SEC22C: variants seen among roughly 807,000 people sequenced by gnomAD.
The protein encoded by SEC22C is vesicle-trafficking protein SEC22c.
Under a neutral mutation model 34.7 loss-of-function variants are expected in SEC22C, and 29 were observed. The observed-to-expected ratio is 0.84, with a 90% CI of 0.62 to 1.14. The LOEUF is 1.14. SEC22C is among the 50% of genes most tolerant of loss of function. The pLI, the probability that SEC22C is intolerant of heterozygous loss-of-function variation, is 0.00. For missense variants in SEC22C, 337 were observed against 369.0 expected (o/e 0.91, Z 0.71); for synonymous variants, 117 against 132.8 (o/e 0.88, Z 0.82).
intron 2 of SEC22C, among the ~76,000 whole-genome samples, chr3:42,568,286 A>T (rs1703381320): frequency 6.6e-6 from 1 of 151,974 alleles, no homozygotes; most frequent in Non-Finnish European, 1.5e-5. Context: ...AAAAAACTAC[A>T]AAACTAAAGA....
At chr3:42,584,394 A>G (rs542890894), upstream of SEC22C, among the ~76,000 whole-genome samples, 64 of 152,280 alleles carry the variant, frequency 4.2e-4, no homozygotes, top group Admixed American at 7.8e-4. Flanking sequence ...AGCTGGGATT[A>G]CAAGCATCTG....
At chr3:42,570,911 A>G (rs1040560746) in intron 1 of SEC22C, among the ~76,000 whole-genome samples, 2 of 152,236 alleles carry the variant, frequency 1.3e-5, no homozygotes, top group Non-Finnish European at 2.9e-5. Flanking sequence ...AAAAAGAACC[A>G]TAAGCCAAGA....
intron 6 of SEC22C, 23 bp downstream of exon 6, chr3:42,555,907 G>C: frequency 6.3e-7 from 1 of 1,591,246 alleles, no homozygotes; most frequent in Non-Finnish European, 8.6e-7. Flanking sequence ...TTAATCCACT[G>C]ACCAAAATAT....
chr3:42,562,226 T>C (rs1180802160), intron 3 of SEC22C, among the ~76,000 whole-genome samples: 1 of 152,160 alleles, frequency 6.6e-6, no homozygotes, highest in African/African-American at 2.4e-5. Context: ...GCAAACATGA[T>C]GCTGGAAAAG....
At chr3:42,594,154 A>C (rs565239433) in intron 1 of SEC22C, among the ~76,000 whole-genome samples, 7 of 152,350 alleles carry the variant, frequency 4.6e-5, no homozygotes, top group Admixed American at 4.6e-4. Flanking sequence ...TGGAGAATAA[A>C]GTAGGTGCGC....
rs190404530 is a variant in SEC22C at position 42,590,410 on chromosome 3, C to A, written c.-28+10550G>T. Among the ~76,000 whole-genome samples the A allele has an allele frequency of 2.4e-3, 361 of 152,108 alleles. 3 individuals carry two copies. The highest frequency in any genetic ancestry group is 2.5e-3 in the Non-Finnish European group (170 of 67,964). ...CTTTGGGAGGCCGAGGCGGGCGGAT[C>A]ACGAGGTCAGGAGACCGAGACCATC... is the stretch of plus-strand genomic sequence containing the variant. On this transcript the variant is annotated intron_variant, in intron 1 of 6. Coordinates refer to the SEC22C transcript ENST00000417572.
rs1702209235 is a variant in SEC22C at position 42,550,685 on chromosome 3, G to A, written c.*2563C>T. ...CGACCTGGTGTGGATAACATCTCTGGTAGTGCCTCGGTGGTCAGGAAGCAT... is the reference window on the plus strand; with the variant it reads ...CGACCTGGTGTGGATAACATCTCTGATAGTGCCTCGGTGGTCAGGAAGCAT... On this transcript the variant is annotated 3_prime_UTR_variant, in exon 7 of 7. Transcript: ENST00000264454. 1 of 985,012 alleles carries A rather than the reference G, an allele frequency of 1.0e-6. No homozygotes were observed. The highest frequency in any genetic ancestry group is 6.2e-5 in the Admixed American group (1 of 16,226). The allele number at this position is 985,012 out of a possible 1,614,324, so 61.0% of individuals were successfully genotyped here.
chr3:42,553,301 A>T lies in SEC22C; in HGVS notation c.859T>A (p.Tyr287Asn). The T allele has an allele frequency of 6.2e-7, 1 of 1,614,212 alleles. No individual in the cohort carries two copies. The highest frequency in any genetic ancestry group is 2.2e-5 in the East Asian group (1 of 44,892). The change falls in exon 7 of 7, where the codon TAT becomes AAT. Residue 287 changes from tyrosine to asparagine, a missense_variant. Transcript: ENST00000264454. ...FHIGVAFLSS[Y>N]QILTRQLQEK... ...TGAAGCTGCCTTGTTAGTATCTGAT[A>T]TGAAGACAGAAAAGCCACTCCTATG...
intron 1 of SEC22C, chr3:42,591,132 G>C: frequency 1.4e-6 from 1 of 718,424 alleles, no homozygotes; most frequent in Non-Finnish European, 2.4e-6. Flanking sequence ...ACAGGCGCCG[G>C]GGCAGGACCC....
intron 4 of SEC22C, among the ~76,000 whole-genome samples, chr3:42,560,845 G>T (rs952719165): frequency 6.6e-6 from 1 of 151,712 alleles, no homozygotes; most frequent in African/African-American, 2.4e-5. Context: ...TTGCCATGTT[G>T]CCCAGGCTGG....
chr3:42,575,731 CAA>C (rs376184847), intron 1 of SEC22C, among the ~76,000 whole-genome samples: 27 of 152,198 alleles, frequency 1.8e-4, no homozygotes, highest in African/African-American at 6.5e-4. Context: ...CAGAAATCAG[CAA>C]AGATTTACAA....
intron 3 of SEC22C, 52 bp from the exon 4 acceptor site, chr3:42,561,348 T>G (rs1452035412): frequency 1.3e-6 from 2 of 1,551,514 alleles, no homozygotes; most frequent in Non-Finnish European, 1.8e-6. Flanking sequence ...ATGGATATTA[T>G]AAGACAATAC....
chr3:42,601,022 C>T, exon 1 of SEC22C: 5 of 1,580,640 alleles, frequency 3.2e-6, no homozygotes, highest in Non-Finnish European at 4.3e-6. Flanking sequence ...GGCGCAGGAC[C>T]GGCCGCAGTG....
Position 42,549,413 on chromosome 3 carries a change from C to A in SEC22C, c.*3835G>T. 1.0e-6 allele frequency: 1 copy of A among 985,680 alleles called. No individual in the cohort carries two copies. The highest frequency in any genetic ancestry group is 1.7e-5 in the African/African-American group (1 of 57,382). The allele number at this position is 985,680 out of a possible 1,614,324, so 61.1% of individuals were successfully genotyped here. A position where few individuals can be genotyped will look rare whatever the true frequency, so the allele number is the denominator to read the frequency against. On this transcript the variant is annotated 3_prime_UTR_variant, in exon 7 of 7. Transcript: ENST00000264454. Reference sequence around the variant, plus strand: ...GCTACAAGGTGCAGTGTGCAACCCCCATATGCCAAGGGGCAGCTGCTATCT... The same window carrying A: ...GCTACAAGGTGCAGTGTGCAACCCCAATATGCCAAGGGGCAGCTGCTATCT...
In SEC22C at chr3:42,580,745, T is replaced by C. The variant is rs567909265; in HGVS notation, c.-28+1101A>G. Among the ~76,000 whole-genome samples, 3 of 152,358 alleles carry C rather than the reference T, an allele frequency of 2.0e-5. No homozygotes were observed. The East Asian group carries it at 5.8e-4, about 29-fold the overall frequency. ...TTCAAATATTCTAAAGCCTAGGATC[T>C]TTCCACCACATCCTTCTTCTACAAA... On this transcript the variant is annotated intron_variant, in intron 1 of 6. Coordinates refer to ENST00000264454, the MANE Select transcript of SEC22C (RefSeq NM_032970.4).
At chr3:42,572,427 C>G (rs1703700530) in intron 1 of SEC22C, among the ~76,000 whole-genome samples, 1 of 152,108 alleles carries the variant, frequency 6.6e-6, no homozygotes, top group Non-Finnish European at 1.5e-5. Context: ...ATGAAGTGCC[C>G]CATTCTCCAC....
intron 1 of SEC22C, among the ~76,000 whole-genome samples, chr3:42,599,791 A>G (rs930139355): frequency 6.6e-6 from 1 of 152,262 alleles, no homozygotes; most frequent in Non-Finnish European, 1.5e-5. Context: ...AGCAAAAATT[A>G]ATGATATTAG....
At chr3:42,574,652 G>A (rs1330971995) in intron 1 of SEC22C, among the ~76,000 whole-genome samples, 1 of 152,022 alleles carries the variant, frequency 6.6e-6, no homozygotes, top group East Asian at 1.9e-4. Context: ...ATTATAAATG[G>A]GAGGGTTCAA....
rs564000765 is a variant in SEC22C at position 42,562,037 on chromosome 3, T to C, written c.347-741A>G. On this transcript the variant is annotated intron_variant, in intron 3 of 6. Coordinates refer to ENST00000264454, the MANE Select transcript of SEC22C (RefSeq NM_032970.4). Reference sequence around the variant, plus strand: ...TGAAAAAAAAATACAAATGAATACGTTGTGGAAACTAGGATTATATATTTG... The same window carrying C: ...TGAAAAAAAAATACAAATGAATACGCTGTGGAAACTAGGATTATATATTTG... Among the ~76,000 whole-genome samples the C allele has an allele frequency of 5.9e-5, 9 of 152,314 alleles. No individual in the cohort carries two copies. In the South Asian group the frequency reaches 6.2e-4, roughly 11 times the overall value.
Sources: allele counts gnomAD v4.1 joint callset (sites outside exome capture counted in the v4.1 genomes callset), GRCh38; gene constraint gnomAD v4.1.1; transcripts MANE v1.5; gene names NCBI Gene and HGNC (gene_info 2026-07-23, HGNC 2026-07-21).